GPC5: variants seen among roughly 807,000 people sequenced by gnomAD.
GPC5 encodes the protein glypican-5.
Under a neutral mutation model 53.9 loss-of-function variants are expected in GPC5, and 47 were observed. The ratio of observed to expected loss-of-function variants is 0.87; its 90% CI spans 0.69 to 1.11. GPC5 has a LOEUF of 1.11. Among genes scored for constraint, GPC5 ranks in the 50% most tolerant of loss-of-function variants. The pLI is 0.00. For missense variants in GPC5, 748 were observed against 713.1 expected (o/e 1.05, Z -0.56); for synonymous variants, 286 against 263.3 (o/e 1.09, Z -0.84).
intron 5 of GPC5, among the ~76,000 whole-genome samples, chr13:91,770,632 A>T (rs1373861109): frequency 6.6e-6 from 1 of 152,000 alleles, no homozygotes; most frequent in African/African-American, 2.4e-5. Context: ...TCAAGGACCA[A>T]ATATTAGACC....
intron 7 of GPC5, among the ~76,000 whole-genome samples, chr13:92,737,867 A>T (rs1023617330): frequency 3.4e-5 from 5 of 148,360 alleles, no homozygotes; most frequent in Non-Finnish European, 7.4e-5. Context: ...CCTGGGTTCA[A>T]GCAATTCTCC....
rs1287758083 is a variant in GPC5 at position 91,398,698 on chromosome 13, T to TGGCGGCAGC, written c.-345_-337dup. 1.3e-3 allele frequency: 258 copies of TGGCGGCAGC among 195,482 alleles called. 2 individuals are homozygous for TGGCGGCAGC. The highest frequency in any genetic ancestry group is 1.4e-3 in the Non-Finnish European group (140 of 103,022). 12.1% of individuals were successfully genotyped at this position (195,482 alleles called of 1,614,324 possible). On this transcript the variant is annotated 5_prime_UTR_variant, in exon 1 of 8. Transcript: ENST00000377067. ...GCGGCAGTGGCGGCAGTGGCGGCAG[T>TGGCGGCAGC]GGCGGCAGCGGCAGCAGTTGCAGCA...
chr13:92,018,015 T>G (rs1253849790), intron 6 of GPC5, among the ~76,000 whole-genome samples: 1 of 151,242 alleles, frequency 6.6e-6, no homozygotes, highest in Non-Finnish European at 1.5e-5. Flanking sequence ...CACATACACA[T>G]GCACGAGTAC....
chr13:91,695,113 A>G (rs1169462962), intron 3 of GPC5, among the ~76,000 whole-genome samples: 4 of 152,128 alleles, frequency 2.6e-5, no homozygotes, highest in Non-Finnish European at 5.9e-5. Flanking sequence ...AGCATAGGGT[A>G]ATGTGTGGGC....
At chr13:91,575,310 A>G (rs1030498498) in intron 2 of GPC5, among the ~76,000 whole-genome samples, 2 of 152,194 alleles carry the variant, frequency 1.3e-5, no homozygotes, top group East Asian at 1.9e-4. Context: ...AGAAAATTGC[A>G]TTTATTGAAA....
chr13:91,731,551 A>G (rs530870511), intron 4 of GPC5, among the ~76,000 whole-genome samples: 4 of 152,072 alleles, frequency 2.6e-5, no homozygotes, highest in African/African-American at 9.6e-5. Context: ...GTTCTGGGAT[A>G]AAAGTGCAGA....
chr13:92,145,930 T>C (rs2041863770), intron 7 of GPC5, among the ~76,000 whole-genome samples: 1 of 152,132 alleles, frequency 6.6e-6, no homozygotes, highest in South Asian at 2.1e-4. Flanking sequence ...TCATTGTGAA[T>C]TAAAAGCACG....
chr13:91,769,805 C>A (rs998027643), intron 5 of GPC5, among the ~76,000 whole-genome samples: 1 of 152,184 alleles, frequency 6.6e-6, no homozygotes, highest in African/African-American at 2.4e-5. Flanking sequence ...TCACACTCAA[C>A]ACAGAACAAT....
chr13:92,198,207 A>G lies in GPC5; in HGVS notation c.1561+53218A>G, dbSNP rs9560972. ...AAAATGTCTTGTTACATGTTTGTCT[A>G]TATATTACCTATTTGTATATGATAT... On this transcript the variant is annotated intron_variant, in intron 7 of 7. Coordinates refer to ENST00000377067, the MANE Select transcript of GPC5 (RefSeq NM_004466.6). Among the ~76,000 whole-genome samples, 1,258 of 152,258 alleles carry G rather than the reference A, an allele frequency of 8.3e-3. 14 individuals are homozygous for G. Among genetic ancestry groups the G allele is most frequent in the South Asian group, 0.044 (213 of 4,826 alleles).
At chr13:92,787,964 G>GAATAGTAGA (rs1165928574) in intron 7 of GPC5, among the ~76,000 whole-genome samples, 2 of 151,352 alleles carry the variant, frequency 1.3e-5, no homozygotes, top group African/African-American at 4.8e-5. Context: ...AGAATGGAAA[G>GAATAGTAGA]AATAGTAGAA....
intron 6 of GPC5, among the ~76,000 whole-genome samples, chr13:92,064,756 C>CAAAAAAAAAAAAACAAAAAAAAA (rs1175120330): frequency 1.8e-4 from 6 of 33,630 alleles, no homozygotes; most frequent in Admixed American, 1.6e-3. Context: ...GACTCCGTCT[C>CAAAAAAAAAAAAACAAAAAAAAA]AAAAAAAAAA....
rs1423185537 is a variant in GPC5 at position 91,908,018 on chromosome 13, G to A, written c.1362G>A (p.Val454=). The change falls in exon 6 of 8, where the codon GTG becomes GTA. Residue 454 remains valine, a synonymous_variant. Coordinates refer to ENST00000377067, the MANE Select transcript of GPC5 (RefSeq NM_004466.6). ...TCAAAGTCAAAGGAATTGATCCTGT[G>A]ATAAATCAGATTATTGATAAACTGA... ...PEVKVKGIDP[V]INQIIDKLKH... is the part of the protein sequence containing the mutation. 1 of 1,592,642 alleles carries A rather than the reference G, an allele frequency of 6.3e-7. No homozygotes were observed. Among genetic ancestry groups the A allele is most frequent in the African/African-American group, 1.3e-5 (1 of 74,576 alleles).
intron 5 of GPC5, among the ~76,000 whole-genome samples, chr13:91,785,893 C>T (rs2037869806): frequency 6.6e-6 from 1 of 152,194 alleles, no homozygotes; most frequent in Admixed American, 6.5e-5. Flanking sequence ...TCCAACTACT[C>T]TCCCTACTTC....
rs148677958 is a variant in GPC5, at chr13:92,256,519, A to T, written c.1561+111530A>T. 2.2e-3 allele frequency among the ~76,000 whole-genome samples: 336 copies of T among 152,126 alleles called. 1 individual carries two copies. The highest frequency in any genetic ancestry group is 3.9e-3 in the Non-Finnish European group (265 of 67,950). On this transcript the variant is annotated intron_variant, in intron 7 of 7. Coordinates refer to ENST00000377067, the MANE Select transcript of GPC5 (RefSeq NM_004466.6). Reference sequence around the variant, plus strand: ...AACTACGGATGAAATGAGTTCTATCATTTACTTTAGAGCATTTTTGTACTC... The same window carrying T: ...AACTACGGATGAAATGAGTTCTATCTTTTACTTTAGAGCATTTTTGTACTC...
chr13:92,836,525 A>G (rs1411109579), intron 7 of GPC5, among the ~76,000 whole-genome samples: 3 of 152,070 alleles, frequency 2.0e-5, no homozygotes, highest in African/African-American at 7.2e-5. Flanking sequence ...TGTTTATGAC[A>G]TACAAATTTA....
intron 5 of GPC5, among the ~76,000 whole-genome samples, chr13:91,874,506 C>A (rs2039181316): frequency 6.6e-6 from 1 of 151,964 alleles, no homozygotes; most frequent in African/African-American, 2.4e-5. Flanking sequence ...TTTGGCCTAC[C>A]AAAATAGTGC....
chr13:92,137,695 G>T (rs192269354), intron 6 of GPC5, among the ~76,000 whole-genome samples: 86 of 152,250 alleles, frequency 5.6e-4, no homozygotes, highest in Admixed American at 4.4e-3. Context: ...ATGCAATCAT[G>T]GTTCACTGCA....
intron 2 of GPC5, among the ~76,000 whole-genome samples, chr13:91,546,404 G>T (rs1273347763): frequency 1.3e-5 from 2 of 151,914 alleles, no homozygotes; most frequent in Non-Finnish European, 2.9e-5. Flanking sequence ...CAAATTATAA[G>T]GCAGACCTTA....
intron 7 of GPC5, among the ~76,000 whole-genome samples, chr13:92,511,559 C>T (rs935112115): frequency 6.6e-6 from 1 of 152,120 alleles, no homozygotes; most frequent in Non-Finnish European, 1.5e-5. Flanking sequence ...TTAAATGATA[C>T]CTCTGTTGTT....
Sources: allele counts gnomAD v4.1 joint callset (sites outside exome capture counted in the v4.1 genomes callset), GRCh38; gene constraint gnomAD v4.1.1; transcripts MANE v1.5; gene names NCBI Gene and HGNC (gene_info 2026-07-23, HGNC 2026-07-21).